The following NUMB variants were observed in gnomAD, a reference collection of about 807,000 sequenced individuals.
The protein encoded by NUMB is NUMB endocytic adaptor protein, also known as protein numb homolog.
A neutral mutation model predicts 59.7 loss-of-function variants in NUMB; 29 were observed. That is an observed-to-expected ratio of 0.49 (90% CI 0.36 to 0.66). The LOEUF (loss-of-function observed/expected upper bound fraction) is 0.66, where lower values mean the gene tolerates loss of function less well. Ranked by LOEUF, NUMB falls within the 30% of genes least tolerant of loss-of-function variation. The pLI is 0.00. For missense variants in NUMB, 723 were observed against 822.0 expected (o/e 0.88, Z 1.47); for synonymous variants, 288 against 288.2 (o/e 1.00, Z 0.01).
intron 4 of NUMB, among the ~76,000 whole-genome samples, chr14:73,327,091 T>C (rs117656394): frequency 6.6e-6 from 1 of 152,304 alleles, no homozygotes; most frequent in Non-Finnish European, 1.5e-5. Context: ...TCCTACAATT[T>C]TTAAAAATAA....
intron 2 of NUMB, among the ~76,000 whole-genome samples, chr14:73,398,415 A>AGAGAGTGTGTGT (rs1438462148): frequency 1.1e-4 from 13 of 118,804 alleles, no homozygotes; most frequent in African/African-American, 2.3e-4. Context: ...AGAGAGAGAG[A>AGAGAGTGTGTGT]GTGTGTGTGT....
intron 4 of NUMB, among the ~76,000 whole-genome samples, chr14:73,349,224 TG>T (rs1346441712): frequency 2.0e-5 from 3 of 151,874 alleles, no homozygotes; most frequent in African/African-American, 7.3e-5. Flanking sequence ...GCAGATCACC[TG>T]AGGTCAGGCT....
intron 3 of NUMB, among the ~76,000 whole-genome samples, chr14:73,358,581 A>C (rs1004379815): frequency 3.3e-5 from 5 of 150,238 alleles, no homozygotes; most frequent in African/African-American, 9.8e-5. Context: ...CTCAGGAGTT[A>C]ACCTCTTCAG....
At chr14:73,342,547 G>T (rs534005621) in intron 4 of NUMB, among the ~76,000 whole-genome samples, 1 of 152,290 alleles carries the variant, frequency 6.6e-6, no homozygotes, top group East Asian at 1.9e-4. Flanking sequence ...ATGCCTATCA[G>T]TCAGGTACCA....
intron 1 of NUMB, among the ~76,000 whole-genome samples, chr14:73,450,370 T>C (rs1202536811): frequency 6.6e-6 from 1 of 152,254 alleles, no homozygotes; most frequent in Non-Finnish European, 1.5e-5. Flanking sequence ...ATGCTGCCTC[T>C]GGACATAAAT....
At chr14:73,388,836 G>T (rs1424191558) in intron 2 of NUMB, among the ~76,000 whole-genome samples, 1 of 152,070 alleles carries the variant, frequency 6.6e-6, no homozygotes, top group Non-Finnish European at 1.5e-5. Context: ...AGTGGCTCAC[G>T]CCTGTAATCC....
At chr14:73,298,216 C>T (rs1275456632) in intron 6 of NUMB, 3 of 152,368 alleles carry the variant, frequency 2.0e-5, no homozygotes, top group Non-Finnish European at 2.9e-5. Context: ...CGAGGTCTCA[C>T]TGTGTTGCCC....
At chr14:73,341,326 T>G (rs1892620900) in intron 4 of NUMB, among the ~76,000 whole-genome samples, 1 of 152,100 alleles carries the variant, frequency 6.6e-6, no homozygotes, top group African/African-American at 2.4e-5. Flanking sequence ...ATACCAACAG[T>G]AGAACTAAAA....
chr14:73,431,194 A>T (rs1328083649), intron 1 of NUMB, among the ~76,000 whole-genome samples: 1 of 150,462 alleles, frequency 6.6e-6, no homozygotes, highest in Non-Finnish European at 1.5e-5. Flanking sequence ...TGACCTCGTG[A>T]TCCACCCGCC....
chr14:73,338,763 G>T (rs1027662582), intron 4 of NUMB, among the ~76,000 whole-genome samples: 2 of 152,190 alleles, frequency 1.3e-5, no homozygotes, highest in Non-Finnish European at 2.9e-5. Flanking sequence ...GGTAGCAGAT[G>T]AGGGCCCATG....
intron 1 of NUMB, among the ~76,000 whole-genome samples, chr14:73,444,398 CAAAAAAAA>C (rs568526693): frequency 8.5e-5 from 6 of 70,968 alleles, no homozygotes; most frequent in Admixed American, 3.2e-4. Context: ...GACTCCATCT[CAAAAAAAA>C]AAAAAAAAAG....
intron 6 of NUMB, among the ~76,000 whole-genome samples, chr14:73,314,054 T>C (rs1477675559): frequency 6.6e-6 from 1 of 152,130 alleles, no homozygotes; most frequent in Non-Finnish European, 1.5e-5. Context: ...AGACGATTAT[T>C]TAAAGCTTTA....
At chr14:73,453,005 T>TA (rs1425179860) in intron 1 of NUMB, among the ~76,000 whole-genome samples, 2 of 152,240 alleles carry the variant, frequency 1.3e-5, no homozygotes, top group Admixed American at 6.5e-5. Flanking sequence ...TTCCTCTAGA[T>TA]ACACTTCCTG....
intron 2 of NUMB, among the ~76,000 whole-genome samples, chr14:73,390,181 A>C (rs748408533): frequency 9.2e-5 from 14 of 152,206 alleles, no homozygotes; most frequent in Admixed American, 5.2e-4. Flanking sequence ...GATAGTAAAA[A>C]TTATAAGCTT....
chr14:73,315,288 TCA>T (rs1891026615), intron 6 of NUMB, among the ~76,000 whole-genome samples: 2 of 152,166 alleles, frequency 1.3e-5, no homozygotes, highest in Non-Finnish European at 1.5e-5. Flanking sequence ...ATTTTGTTAA[TCA>T]CATAAATTTT....
At chr14:73,328,953 C>T (rs1166378993) in intron 4 of NUMB, among the ~76,000 whole-genome samples, 3 of 152,018 alleles carry the variant, frequency 2.0e-5, no homozygotes, top group African/African-American at 7.3e-5. Context: ...ACTACAACCT[C>T]CGCCTCCCAG....
chr14:73,458,392 G>C (rs1884586529), intron 1 of NUMB, 101 bp downstream of exon 1: 1 of 152,886 alleles, frequency 6.5e-6, no homozygotes. Context: ...CCGACCCGAA[G>C]TCCAGGCCCC....
At position 73,435,921 on chromosome 14, in the gene NUMB, G is replaced by T. The variant is rs186779604; in HGVS notation, c.-233+22572C>A. 1.8e-4 allele frequency among the ~76,000 whole-genome samples: 27 copies of T among 151,650 alleles called. No individual in the cohort carries two copies. In the East Asian group the frequency reaches 5.3e-3, roughly 30 times the overall value. ...CTTGGGAGGCTGATGTGAGAGAATT[G>T]CTTGAATTGAAAAGGTGGAGGTTGC... is the stretch of plus-strand genomic sequence containing the variant. On this transcript the variant is annotated intron_variant, in intron 1 of 12. Coordinates refer to ENST00000555238, the MANE Select transcript of NUMB (RefSeq NM_001005743.2).
intron 3 of NUMB, among the ~76,000 whole-genome samples, chr14:73,366,389 T>C (rs1415107930): frequency 3.3e-5 from 5 of 152,232 alleles, no homozygotes; most frequent in Non-Finnish European, 7.3e-5. Context: ...CCATATTTCC[T>C]AATACAGAAT....
Sources: gnomAD v4.1 joint callset for allele counts (sites outside exome capture counted in the v4.1 genomes callset) on GRCh38, gnomAD v4.1.1 for gene constraint, MANE v1.5 for transcripts, NCBI Gene and HGNC (gene_info 2026-07-23, HGNC 2026-07-21) for gene names.